The following RNF111 variants were observed in gnomAD, a reference collection of about 807,000 sequenced individuals.
The protein encoded by RNF111 is ring finger protein 111, also known as E3 ubiquitin-protein ligase Arkadia.
A neutral mutation model predicts 95.1 loss-of-function variants in RNF111; 17 were observed. The ratio of observed to expected loss-of-function variants is 0.18; its 90% CI spans 0.12 to 0.27. The LOEUF is 0.27. Among genes scored for constraint, RNF111 ranks in the 10% least tolerant of loss-of-function variants. The pLI is 1.00. For missense variants in RNF111, 1,189 were observed against 1,210.4 expected, an observed-to-expected ratio of 0.98 and a Z score of 0.26; for synonymous variants, 440 against 414.8, an observed-to-expected ratio of 1.06 and a Z score of -0.74.
intron 5 of RNF111, among the ~76,000 whole-genome samples, chr15:59,060,595 A>G (rs947590462): frequency 6.6e-6 from 1 of 152,150 alleles, no homozygotes; most frequent in Non-Finnish European, 1.5e-5. Context: ...CGAGGGCACC[A>G]CTACACTCCA....
intron 1 of RNF111, among the ~76,000 whole-genome samples, chr15:59,014,006 G>A (rs1164308149): frequency 6.6e-6 from 1 of 152,116 alleles, no homozygotes; most frequent in Non-Finnish European, 1.5e-5. Flanking sequence ...GCCCAGGCTG[G>A]TCTTGAACTC....
intron 10 of RNF111, among the ~76,000 whole-genome samples, chr15:59,088,724 A>G (rs552672146): frequency 6.6e-6 from 1 of 152,312 alleles, no homozygotes; most frequent in Non-Finnish European, 1.5e-5. Context: ...TCTGTTCACA[A>G]CTAATCAGTG....
At chr15:59,022,984 C>T (rs1220396301) in intron 1 of RNF111, among the ~76,000 whole-genome samples, 3 of 152,160 alleles carry the variant, frequency 2.0e-5, no homozygotes, top group African/African-American at 7.2e-5. Context: ...CGGTGGCTTA[C>T]GCCTGTAATC....
intron 3 of RNF111, 111 bp downstream of exon 3, chr15:59,052,542 T>A: frequency 1.2e-6 from 1 of 818,056 alleles, no homozygotes; most frequent in Non-Finnish European, 1.7e-6. Flanking sequence ...GAGACCCAGT[T>A]TGAGTATGCA....
intron 2 of RNF111, among the ~76,000 whole-genome samples, chr15:59,046,469 A>G (rs1219349573): frequency 6.6e-6 from 1 of 152,200 alleles, no homozygotes; most frequent in Non-Finnish European, 1.5e-5. Flanking sequence ...CTGTGATTAC[A>G]GGCGTCAGCC....
Position 58,993,076 on chromosome 15 carries a change from A to T in RNF111, c.-20+5008A>T, listed in dbSNP as rs980814901. On this transcript the variant is annotated intron_variant, in intron 1 of 13. Coordinates refer to ENST00000348370, the MANE Select transcript of RNF111 (RefSeq NM_017610.8). ...TCCCAGCTACTTGGGAGGTTGAGGCAGGAGAATGACTTGAACCCAGGAGGC... is the reference window on the plus strand; with the variant it reads ...TCCCAGCTACTTGGGAGGTTGAGGCTGGAGAATGACTTGAACCCAGGAGGC... 5.3e-5 allele frequency among the ~76,000 whole-genome samples: 8 copies of T among 151,680 alleles called. No homozygotes were observed. In the South Asian group the frequency reaches 1.7e-3, roughly 32 times the overall value.
intron 5 of RNF111, among the ~76,000 whole-genome samples, chr15:59,063,660 C>T (rs938395363): frequency 3.9e-5 from 6 of 152,170 alleles, no homozygotes; most frequent in African/African-American, 1.4e-4. Context: ...GTTTTGGATG[C>T]AAGCCTGTTT....
intron 2 of RNF111, chr15:59,050,309 A>T (rs1034188849): frequency 7.2e-5 from 11 of 152,278 alleles, no homozygotes; most frequent in African/African-American, 2.7e-4. Flanking sequence ...CTGTGGCCAA[A>T]GGAACAACTC....
intron 1 of RNF111, among the ~76,000 whole-genome samples, chr15:58,996,694 G>A (rs1238923964): frequency 1.0e-5 from 1 of 96,022 alleles, no homozygotes; most frequent in Non-Finnish European, 2.0e-5. Context: ...GGCAGTTACT[G>A]TTACATCTTG....
intron 5 of RNF111, among the ~76,000 whole-genome samples, chr15:59,062,760 A>T (rs1294463166): frequency 6.6e-6 from 1 of 152,258 alleles, no homozygotes; most frequent in Non-Finnish European, 1.5e-5. Context: ...TGGAGCAAGA[A>T]TTCAAACCTA....
At chr15:59,064,664 C>A (rs1444823166) in intron 5 of RNF111, among the ~76,000 whole-genome samples, 4 of 151,682 alleles carry the variant, frequency 2.6e-5, no homozygotes, top group African/African-American at 9.7e-5. Context: ...TCCAAGTTCA[C>A]AGACGCGTGA....
At chr15:59,003,726 G>A (rs6494052) in intron 1 of RNF111, among the ~76,000 whole-genome samples, 5,538 of 152,224 alleles carry the variant, frequency 0.036, 179 homozygotes, top group African/African-American at 0.086. Flanking sequence ...CACGTGTTTC[G>A]CTCTAAAATT....
chr15:58,995,000 C>T (rs1231952465), intron 1 of RNF111, among the ~76,000 whole-genome samples: 1 of 152,210 alleles, frequency 6.6e-6, no homozygotes, highest in Non-Finnish European at 1.5e-5. Flanking sequence ...GCATTTTCCT[C>T]ATAGGACCCA....
rs1268940509 is a variant in RNF111 at position 59,062,106 on chromosome 15, G to T, written c.1366+3556G>T. Among the ~76,000 whole-genome samples the T allele has an allele frequency of 2.1e-5, 3 of 143,324 alleles. No individual in the cohort carries two copies. The East Asian group carries it at 6.2e-4, about 30-fold the overall frequency. 94.0% of individuals were successfully genotyped at this position (143,324 alleles called of 152,430 possible). A position where few individuals can be genotyped will look rare whatever the true frequency, so the allele number is the denominator to read the frequency against. On this transcript the variant is annotated intron_variant, in intron 5 of 13. Coordinates refer to ENST00000348370, the MANE Select transcript of RNF111 (RefSeq NM_017610.8). ...GGGTCTTGCTTTGTCACGTAGGCTA[G>T]AGTGCAGGCTCACTGCAGCCTCCAC... is the stretch of plus-strand genomic sequence containing the variant.
intron 7 of RNF111, among the ~76,000 whole-genome samples, chr15:59,080,511 T>C (rs1452065522): frequency 6.6e-6 from 1 of 152,244 alleles, no homozygotes; most frequent in Non-Finnish European, 1.5e-5. Flanking sequence ...TATTTTTTTC[T>C]TTCTGTCCCA....
At chr15:59,027,336 G>A (rs908707041) in intron 1 of RNF111, among the ~76,000 whole-genome samples, 1 of 152,074 alleles carries the variant, frequency 6.6e-6, no homozygotes, top group Admixed American at 6.6e-5. Context: ...TGGAGTCTCT[G>A]ATGCCTAGAA....
At chr15:59,013,318 A>G (rs553684768) in intron 1 of RNF111, among the ~76,000 whole-genome samples, 1 of 152,296 alleles carries the variant, frequency 6.6e-6, no homozygotes, top group Admixed American at 6.5e-5. Context: ...TGACTAAGAG[A>G]CCCACATTGA....
rs556994111 is a variant in RNF111 at position 59,039,863 on chromosome 15, C to T, written c.880+8161C>T. Among the ~76,000 whole-genome samples the T allele has an allele frequency of 5.2e-4, 79 of 152,086 alleles. No individual in the cohort carries two copies. In the South Asian group the frequency reaches 0.016, roughly 31 times the overall value. ...TCCTGAGTAGCTGGGACTACAGGCA[C>T]ATGCCACCGTGCCCAGCTAATTTTT... is the stretch of plus-strand genomic sequence containing the variant. On this transcript the variant is annotated intron_variant, in intron 2 of 13. Transcript: ENST00000348370.
At chr15:59,022,318 C>T (rs1028598496) in intron 1 of RNF111, among the ~76,000 whole-genome samples, 6 of 152,118 alleles carry the variant, frequency 3.9e-5, no homozygotes, top group African/African-American at 1.2e-4. Context: ...CAGAGCAAGC[C>T]TTAGCTGAGA....
Sources: gnomAD v4.1 joint callset for allele counts (sites outside exome capture counted in the v4.1 genomes callset) on GRCh38, gnomAD v4.1.1 for gene constraint, MANE v1.5 for transcripts, NCBI Gene and HGNC (gene_info 2026-07-23, HGNC 2026-07-21) for gene names.